The following ENAH variants were observed in gnomAD, a reference collection of about 807,000 sequenced individuals.
ENAH encodes the protein protein enabled homolog.
Under a neutral mutation model 78.7 loss-of-function variants are expected in ENAH, and 23 were observed. That is an observed-to-expected ratio of 0.29 (90% CI 0.21 to 0.41). ENAH has a LOEUF of 0.41. Ranked by LOEUF, ENAH falls within the 10% of genes least tolerant of loss-of-function variation. The pLI is 1.00. For missense variants in ENAH, 544 were observed against 691.0 expected (o/e 0.79, Z 2.39); for synonymous variants, 226 against 241.0 (o/e 0.94, Z 0.58).
intron 3 of ENAH, among the ~76,000 whole-genome samples, chr1:225,553,034 G>T (rs1013080502): frequency 6.6e-6 from 1 of 152,136 alleles, no homozygotes; most frequent in Non-Finnish European, 1.5e-5. Context: ...AGAAGTTTGA[G>T]ACCAGCCTGG....
chr1:225,557,955 G>A (rs2096675688), intron 2 of ENAH, among the ~76,000 whole-genome samples: 1 of 152,134 alleles, frequency 6.6e-6, no homozygotes, highest in Admixed American at 6.5e-5. Context: ...ATTTTATCAA[G>A]TCCTCCCCAA....
At chr1:225,627,848 T>C (rs1217082083) in intron 1 of ENAH, among the ~76,000 whole-genome samples, 2 of 152,154 alleles carry the variant, frequency 1.3e-5, no homozygotes, top group Non-Finnish European at 2.9e-5. Flanking sequence ...GAGCCAAACC[T>C]ACCCCAGCTC....
intron 13 of ENAH, 73 bp from the exon 14 acceptor site, chr1:225,497,885 G>C: frequency 7.3e-7 from 1 of 1,367,500 alleles, no homozygotes; most frequent in East Asian, 2.4e-5. Context: ...TCATTCCTAA[G>C]AAACTTTAAG....
intron 3 of ENAH, among the ~76,000 whole-genome samples, chr1:225,550,398 A>G (rs2096635807): frequency 6.6e-6 from 1 of 152,192 alleles, no homozygotes; most frequent in African/African-American, 2.4e-5. Flanking sequence ...TTTTTGTATT[A>G]TTCCCAGTGC....
intron 1 of ENAH, chr1:225,652,324 C>A (rs1325142699): frequency 4.1e-6 from 4 of 985,232 alleles, no homozygotes; most frequent in Non-Finnish European, 4.8e-6. Flanking sequence ...ATACCTGTTT[C>A]CCAGCAACAC....
At chr1:225,528,523 G>A (rs2096522113) in intron 4 of ENAH, among the ~76,000 whole-genome samples, 1 of 152,164 alleles carries the variant, frequency 6.6e-6, no homozygotes, top group Non-Finnish European at 1.5e-5. Context: ...AGACAGGAGT[G>A]TCTGGACTCT....
At chr1:225,629,563 G>T (rs1350276250) in intron 1 of ENAH, among the ~76,000 whole-genome samples, 1 of 151,552 alleles carries the variant, frequency 6.6e-6, no homozygotes, top group Non-Finnish European at 1.5e-5. Flanking sequence ...CTCCAGCCTG[G>T]GCAACAGAGT....
At chr1:225,534,828 C>T (rs1021771600) in intron 3 of ENAH, among the ~76,000 whole-genome samples, 1 of 152,106 alleles carries the variant, frequency 6.6e-6, no homozygotes, top group East Asian at 1.9e-4. Flanking sequence ...TAGATAGATA[C>T]GTATCCTTAG....
chr1:225,588,312 T>C (rs575233255), intron 1 of ENAH, among the ~76,000 whole-genome samples: 6 of 152,210 alleles, frequency 3.9e-5, no homozygotes, highest in South Asian at 2.1e-4. Context: ...CAATAAAACA[T>C]TGGGCAAATA....
At chr1:225,629,738 G>A (rs1311488261) in intron 1 of ENAH, among the ~76,000 whole-genome samples, 2 of 152,152 alleles carry the variant, frequency 1.3e-5, no homozygotes, top group Non-Finnish European at 1.5e-5. Context: ...GGAAGTTAAT[G>A]ACTCCTTGCA....
At position 225,509,282 on chromosome 1, in the gene ENAH, G is replaced by T. The variant is rs568617089; in HGVS notation, c.1472-1265C>A. On this transcript the variant is annotated intron_variant, in intron 10 of 13. Coordinates refer to ENST00000366843, the MANE Select transcript of ENAH (RefSeq NM_018212.6). ...ACTGAGGGACACCGGGACAGGGAAG[G>T]GAACGGTCATCGGACACTGTCACTA... Among the ~76,000 whole-genome samples the T allele has an allele frequency of 6.6e-5, 10 of 152,276 alleles. No individual in the cohort carries two copies. In the East Asian group the frequency reaches 1.7e-3, roughly 26 times the overall value.
intron 3 of ENAH, among the ~76,000 whole-genome samples, chr1:225,533,963 A>C (rs1269059734): frequency 1.3e-5 from 2 of 152,172 alleles, no homozygotes; most frequent in Admixed American, 6.6e-5. Flanking sequence ...ATTAAAGGTA[A>C]TAATGGGGGG....
At chr1:225,544,347 T>C (rs144679414) in intron 3 of ENAH, among the ~76,000 whole-genome samples, 1 of 152,320 alleles carries the variant, frequency 6.6e-6, no homozygotes, top group African/African-American at 2.4e-5. Flanking sequence ...CTCAGGTCAT[T>C]GTAGCACCAC....
chr1:225,562,523 G>T (rs2096711769), intron 2 of ENAH, among the ~76,000 whole-genome samples: 1 of 127,024 alleles, frequency 7.9e-6, no homozygotes, highest in Non-Finnish European at 1.6e-5. Context: ...AGTGAGCTGA[G>T]ATCGAGCCAC....
chr1:225,635,227 T>G (rs1659848510), intron 1 of ENAH, among the ~76,000 whole-genome samples: 1 of 152,234 alleles, frequency 6.6e-6, no homozygotes, highest in African/African-American at 2.4e-5. Flanking sequence ...ATAAAATTTA[T>G]TTTTAAAGAA....
intron 1 of ENAH, among the ~76,000 whole-genome samples, chr1:225,621,296 C>CT (rs757480714): frequency 0.01 from 1,478 of 142,716 alleles, 18 homozygotes; most frequent in African/African-American, 0.031. Flanking sequence ...ATCTATCTCT[C>CT]TTTTTTTTTT....
intron 1 of ENAH, among the ~76,000 whole-genome samples, chr1:225,633,623 G>A (rs1411624461): frequency 6.6e-6 from 1 of 152,056 alleles, no homozygotes; most frequent in Non-Finnish European, 1.5e-5. Flanking sequence ...CCTAAGCCTT[G>A]GTTTCCTACA....
rs916668249 is a variant in ENAH at position 225,616,075 on chromosome 1, T to A, written c.5+36611A>T. 2.0e-5 allele frequency among the ~76,000 whole-genome samples: 3 copies of A among 152,322 alleles called. No homozygotes were observed. In the South Asian group the frequency reaches 6.2e-4, roughly 32 times the overall value. The stretch of plus-strand genomic sequence containing the variant: ...AACATGTGCTGTGTCCACTCAGGGT[T>A]AAATGGATTAAGGGCGGAGCAAGAT... On this transcript the variant is annotated intron_variant, in intron 1 of 13. Coordinates refer to ENST00000366843, the MANE Select transcript of ENAH (RefSeq NM_018212.6).
At chr1:225,537,451 C>G (rs1412128952) in intron 3 of ENAH, among the ~76,000 whole-genome samples, 1 of 152,146 alleles carries the variant, frequency 6.6e-6, no homozygotes, top group Admixed American at 6.6e-5. Context: ...TTAAATTCTA[C>G]TGCAGTTTGC....
Sources: allele counts gnomAD v4.1 joint callset (sites outside exome capture counted in the v4.1 genomes callset), GRCh38; gene constraint gnomAD v4.1.1; transcripts MANE v1.5; gene names NCBI Gene and HGNC (gene_info 2026-07-23, HGNC 2026-07-21).